Variants in ELF2 observed in about 807,000 individuals in gnomAD.
The protein encoded by ELF2 is E74 like ETS transcription factor 2.
A neutral mutation model predicts 54.8 loss-of-function variants in ELF2; 11 were observed. The observed-to-expected ratio is 0.20, with a 90% CI of 0.13 to 0.33. ELF2 has a LOEUF of 0.33. Among genes scored for constraint, ELF2 ranks in the 10% least tolerant of loss-of-function variants. The probability of loss-of-function intolerance (pLI) is 1.00; values close to 1 mark genes in which losing one functional copy is unlikely to be tolerated. For missense variants in ELF2, 513 were observed against 703.0 expected (o/e 0.73, Z 3.06); for synonymous variants, 203 against 245.1 (o/e 0.83, Z 1.61).
chr4:139,070,208 AGT>A (rs1729315813), intron 6 of ELF2, among the ~76,000 whole-genome samples: 1 of 152,100 alleles, frequency 6.6e-6, no homozygotes, highest in Non-Finnish European at 1.5e-5. Context: ...AAATTGGCAA[AGT>A]ATTTCCTGGA....
intron 1 of ELF2, among the ~76,000 whole-genome samples, 170 bp downstream of exon 1, chr4:139,176,790 AGCCCCCG>A (rs1204953413): frequency 1.3e-5 from 2 of 150,008 alleles, no homozygotes; most frequent in Non-Finnish European, 3.0e-5. Flanking sequence ...CCCTTCCCCC[AGCCCCCG>A]GCCGGTGTCA....
chr4:139,167,592 G>A (rs1268511812), intron 1 of ELF2, among the ~76,000 whole-genome samples: 1 of 152,144 alleles, frequency 6.6e-6, no homozygotes, highest in East Asian at 1.9e-4. Flanking sequence ...CCTGTACACT[G>A]TATTTGAGTT....
At chr4:139,107,951 G>A (rs1734580901) in intron 4 of ELF2, among the ~76,000 whole-genome samples, 1 of 151,240 alleles carries the variant, frequency 6.6e-6, no homozygotes, top group Non-Finnish European at 1.5e-5. Context: ...GGAAGCTAGA[G>A]AGCCAGGAGA....
At chr4:139,160,346 T>C (rs770014319) in intron 1 of ELF2, among the ~76,000 whole-genome samples, 2 of 152,186 alleles carry the variant, frequency 1.3e-5, no homozygotes, top group Non-Finnish European at 1.5e-5. Context: ...CAGCAAGTTA[T>C]TTATCTTCTC....
At chr4:139,117,432 G>C (rs916560292) in intron 4 of ELF2, among the ~76,000 whole-genome samples, 3 of 152,110 alleles carry the variant, frequency 2.0e-5, no homozygotes, top group Admixed American at 1.3e-4. Flanking sequence ...AAAAAATCAG[G>C]CCTGTAATCC....
chr4:139,136,635 T>A (rs1738182909), intron 3 of ELF2: 1 of 151,980 alleles, frequency 6.6e-6, no homozygotes, highest in African/African-American at 2.4e-5. Context: ...GGCTATTGAA[T>A]TATAATTAGA....
chr4:139,161,890 C>T (rs1415197988), intron 1 of ELF2, among the ~76,000 whole-genome samples: 2 of 151,928 alleles, frequency 1.3e-5, no homozygotes, highest in East Asian at 3.9e-4. Flanking sequence ...GTCAGGAGAT[C>T]GAGATCATCC....
chr4:139,093,843 C>G (rs1732941859), intron 4 of ELF2, among the ~76,000 whole-genome samples: 1 of 150,610 alleles, frequency 6.6e-6, no homozygotes, highest in Non-Finnish European at 1.5e-5. Flanking sequence ...ATTAATATTA[C>G]TACTCTTTTT....
chr4:139,133,082 C>T (rs1204056162), intron 3 of ELF2, among the ~76,000 whole-genome samples: 1 of 151,766 alleles, frequency 6.6e-6, no homozygotes, highest in Non-Finnish European at 1.5e-5. Context: ...CCACCATGCC[C>T]GGCTAATTTT....
rs1476928665 is a variant in ELF2 at position 139,071,947 on chromosome 4, A to T, written c.445T>A (p.Ser149Thr). 1 of 1,613,872 alleles carries T rather than the reference A, an allele frequency of 6.2e-7. No homozygotes were observed. The highest frequency in any genetic ancestry group is 2.2e-5 in the East Asian group (1 of 44,844). The change falls in exon 6 of 10, where the codon TCA becomes ACA. Residue 149 changes from serine to threonine, a missense_variant. This residue lies in a region of ELF2 where 203 missense variants were observed against 245.9 expected (regional missense o/e 0.83). Transcript: ENST00000686138. ...DVITETVVEV[S>T]TEESEPMDTS... is the part of the protein sequence containing the mutation. Reference sequence around the variant, plus strand: ...TCCATGGGTTCAGACTCTTCAGTTGACACCTCCACTACAGTTTCTGTAATG... The same window carrying T: ...TCCATGGGTTCAGACTCTTCAGTTGTCACCTCCACTACAGTTTCTGTAATG...
chr4:139,099,345 T>C (rs1261314032), intron 4 of ELF2, among the ~76,000 whole-genome samples: 1 of 152,240 alleles, frequency 6.6e-6, no homozygotes, highest in Non-Finnish European at 1.5e-5. Context: ...AAATATTTTA[T>C]TGAAAACCTA....
At chr4:139,114,984 A>G (rs879178273) in intron 4 of ELF2, 27 of 1,613,412 alleles carry the variant, frequency 1.7e-5, no homozygotes, top group African/African-American at 6.7e-5. Context: ...TGTCCAGCAG[A>G]CCAGAAATGA....
intron 4 of ELF2, chr4:139,115,277 G>A (rs962282027): frequency 7.5e-6 from 12 of 1,601,272 alleles, no homozygotes; most frequent in East Asian, 6.7e-5. Flanking sequence ...GTCCCGGGGG[G>A]GGCTCTGAAA....
At chr4:139,152,252 A>G (rs543388561) in intron 1 of ELF2, among the ~76,000 whole-genome samples, 1 of 152,344 alleles carries the variant, frequency 6.6e-6, no homozygotes, top group Non-Finnish European at 1.5e-5. Context: ...AATGTACAAA[A>G]TTAGAATTAA....
chr4:139,073,358 C>T, intron 5 of ELF2, 96 bp downstream of exon 5: 1 of 710,130 alleles, frequency 1.4e-6, no homozygotes. Flanking sequence ...TTTGAGAATT[C>T]CCAACAATTC....
rs1281026329 is a variant in ELF2 at position 139,139,470 on chromosome 4, T to TA, written c.-225dup. 12 of 1,229,772 alleles carry TA rather than the reference T, an allele frequency of 9.8e-6. No individual in the cohort carries two copies. Among genetic ancestry groups the TA allele is most frequent in the African/African-American group, 1.6e-5 (1 of 64,438 alleles). The allele number at this position is 1,229,772 out of a possible 1,614,324, so 76.2% of individuals were successfully genotyped here. On this transcript the variant is annotated 5_prime_UTR_variant, in exon 2 of 10. Coordinates refer to ENST00000686138, the MANE Select transcript of ELF2 (RefSeq NM_001331036.3). Reference sequence around the variant, plus strand: ...ACTATTTTCACAACTTGGGAAGAGCTAAAATCTGAACCAGTAGTTCTTTGG... The same window carrying TA: ...ACTATTTTCACAACTTGGGAAGAGCTAAAAATCTGAACCAGTAGTTCTTTGG...
intron 1 of ELF2, among the ~76,000 whole-genome samples, chr4:139,169,028 G>A (rs916584574): frequency 1.2e-4 from 19 of 152,268 alleles, no homozygotes; most frequent in African/African-American, 3.6e-4. Flanking sequence ...TATTGCCCGG[G>A]CATGGTGGCT....
chr4:139,119,057 G>A (rs1001046833), intron 4 of ELF2, among the ~76,000 whole-genome samples: 3 of 152,170 alleles, frequency 2.0e-5, no homozygotes, highest in Admixed American at 6.5e-5. Flanking sequence ...AGAAATAGTC[G>A]CCCAGGATTT....
intron 3 of ELF2, chr4:139,137,286 A>G (rs1191305552): frequency 4.6e-6 from 1 of 219,690 alleles, no homozygotes; most frequent in East Asian, 9.8e-5. Context: ...AATGAATCTA[A>G]TTTAGGTATT....
Sources: allele counts gnomAD v4.1 joint callset (sites outside exome capture counted in the v4.1 genomes callset), GRCh38; gene constraint gnomAD v4.1.1; regional missense constraint gnomAD v4.1.1; transcripts MANE v1.5; gene names NCBI Gene and HGNC (gene_info 2026-07-23, HGNC 2026-07-21).